The following C5 variants were observed in gnomAD, a reference collection of about 807,000 sequenced individuals.
C5 encodes complement C5.
C5 carries 140 observed loss-of-function variants against 218.8 expected under a neutral mutation model. The ratio of observed to expected loss-of-function variants is 0.64; its 90% CI spans 0.56 to 0.74. The LOEUF is 0.74. Ranked by LOEUF, C5 falls within the 30% of genes least tolerant of loss-of-function variation. C5 has a pLI of 0.00. For missense variants in C5, 1,700 were observed against 1,969.6 expected (o/e 0.86, Z 2.59); for synonymous variants, 614 against 682.3 (o/e 0.90, Z 1.56).
chr9:121,019,440 C>T lies in C5; in HGVS notation c.1506+536G>A, dbSNP rs373909319. On this transcript the variant is annotated intron_variant, in intron 12 of 40. Coordinates refer to ENST00000223642, the MANE Select transcript of C5 (RefSeq NM_001735.3). ...TCTTGGTTTCACCAACAGGCTTCAT[C>T]GATCCACCTCTGTTTAATATAAATG... Among the ~76,000 whole-genome samples the T allele has an allele frequency of 1.1e-4, 17 of 152,286 alleles. No individual in the cohort carries two copies. The East Asian group carries it at 1.9e-3, about 17-fold the overall frequency.
Position 121,009,861 on chromosome 9 carries a change from C to A in C5, c.2258-1363G>T, listed in dbSNP as rs570606068. Among the ~76,000 whole-genome samples the A allele has an allele frequency of 7.2e-5, 11 of 152,320 alleles. No individual in the cohort carries two copies. In the East Asian group the frequency reaches 9.6e-4, roughly 13 times the overall value. ...TGTGTTGGGAGAGGGAGAGTGCAGT[C>A]ATTCTGTGGCTTTGCATTGAACTCA... On this transcript the variant is annotated intron_variant, in intron 17 of 40. Coordinates refer to ENST00000223642, the MANE Select transcript of C5 (RefSeq NM_001735.3).
intron 17 of C5, among the ~76,000 whole-genome samples, chr9:121,011,820 G>A (rs966928535): frequency 2.0e-5 from 3 of 152,170 alleles, no homozygotes; most frequent in Non-Finnish European, 4.4e-5. Flanking sequence ...CCTGTCATTT[G>A]CAACAATATG....
chr9:121,023,301 T>C (rs891961912), intron 10 of C5, 103 bp downstream of exon 10: 7 of 810,408 alleles, frequency 8.6e-6, no homozygotes, highest in African/African-American at 8.4e-5. Flanking sequence ...GCTCCCTCTG[T>C]GACTTCATGG....
intron 33 of C5, 56 bp downstream of exon 33, chr9:120,969,005 C>G: frequency 1.4e-6 from 2 of 1,424,722 alleles, no homozygotes; most frequent in Admixed American, 1.7e-5. Context: ...AGAAACAATA[C>G]GTTAACAAAA....
At chr9:121,038,136 A>G (rs917422016) in intron 3 of C5, among the ~76,000 whole-genome samples, 185 bp from the exon 4 acceptor site, 9 of 152,354 alleles carry the variant, frequency 5.9e-5, no homozygotes, top group Middle Eastern at 3.4e-3. Flanking sequence ...CTTATTTAAG[A>G]GAATCCTCAG....
intron 33 of C5, among the ~76,000 whole-genome samples, chr9:120,967,782 C>T (rs1454426710): frequency 2.0e-5 from 3 of 151,818 alleles, no homozygotes; most frequent in African/African-American, 2.4e-5. Flanking sequence ...AGTGCAGTGG[C>T]GTGGTCACAG....
chr9:121,047,453 T>C (rs2047637191), intron 1 of C5, among the ~76,000 whole-genome samples: 1 of 152,194 alleles, frequency 6.6e-6, no homozygotes, highest in African/African-American at 2.4e-5. Context: ...TAAGTGTATA[T>C]CACAAGAGTA....
intron 17 of C5, among the ~76,000 whole-genome samples, chr9:121,012,297 T>C (rs1285939138): frequency 4.0e-5 from 6 of 151,858 alleles, no homozygotes; most frequent in African/African-American, 1.5e-4. Context: ...AAATCCTCCC[T>C]CCAAAAAGAA....
In C5 at chr9:120,952,650, A is replaced by T; in HGVS notation, c.*89T>A. ...AGCTTTACAAATAAGACCAGCTATG[A>T]ATGTTTAAAAAAAGAAGAAAACAAA... On this transcript the variant is annotated 3_prime_UTR_variant, in exon 41 of 41. Coordinates refer to ENST00000223642, the MANE Select transcript of C5 (RefSeq NM_001735.3). 1.5e-6 allele frequency: 2 copies of T among 1,319,042 alleles called. No individual in the cohort carries two copies. The highest frequency in any genetic ancestry group is 2.2e-6 in the Non-Finnish European group (2 of 926,058). 81.7% of individuals were successfully genotyped at this position (1,319,042 alleles called of 1,614,324 possible).
rs1392220420 is a variant in C5 at position 121,008,563 on chromosome 9, A to T, written c.2258-65T>A. The T allele has an allele frequency of 4.4e-6, 5 of 1,128,596 alleles. No individual in the cohort carries two copies. The East Asian group carries it at 1.2e-4, about 27-fold the overall frequency. 69.9% of individuals were successfully genotyped at this position (1,128,596 alleles called of 1,614,324 possible). The stretch of plus-strand genomic sequence containing the variant: ...TAAATTCTACTTATAGGTGAATTTT[A>T]AAATATGGCCATTAATCTGTAACTT... On this transcript the variant is annotated intron_variant, in intron 17 of 40. Transcript: ENST00000223642.
At chr9:121,057,814 A>G in the C5 span, among the ~76,000 whole-genome samples, 1 of 152,168 alleles carries the variant, frequency 6.6e-6, no homozygotes. Context: ...ATGGACTAGA[A>G]TCCTTTTTAG....
chr9:121,020,249 A>G (rs962722993), intron 11 of C5, 70 bp from the exon 12 acceptor site: 2 of 1,159,032 alleles, frequency 1.7e-6, no homozygotes, highest in Admixed American at 3.5e-5. Flanking sequence ...TACCTTTCAA[A>G]TTATTTTCCT....
chr9:121,015,246 T>A lies in C5; in HGVS notation c.2012A>T (p.Glu671Val). 1 of 1,605,424 alleles carries A rather than the reference T, an allele frequency of 6.2e-7. No individual in the cohort carries two copies. Among genetic ancestry groups the A allele is most frequent in the Non-Finnish European group, 8.5e-7 (1 of 1,173,616 alleles). Residue 671 changes from glutamate (E) to valine (V), a missense_variant, in exon 16 of 41, where the codon GAA becomes GTA. Coordinates refer to ENST00000223642, the MANE Select transcript of C5 (RefSeq NM_001735.3). The part of the protein sequence containing the change: ...DSQENDEPCK[E>V]ILRPRRTLQK... Reference sequence around the variant, plus strand: ...CAGCGTTCTTCTTGGCCTGAGAATTTCTTTACAAGGTTCATCTGGTTTTTT... The same window carrying A: ...CAGCGTTCTTCTTGGCCTGAGAATTACTTTACAAGGTTCATCTGGTTTTTT...
At chr9:121,025,814 C>A in intron 8 of C5, 1 of 419,020 alleles carries the variant, frequency 2.4e-6, no homozygotes. Context: ...TCCAACAGGT[C>A]TTTTTGGTAA....
At chr9:121,022,998 CAT>C (rs146349428) in intron 10 of C5, among the ~76,000 whole-genome samples, 11,923 of 152,116 alleles carry the variant, frequency 0.078, 529 homozygotes, top group Non-Finnish European at 0.11. Flanking sequence ...GAGGCAAAAA[CAT>C]AGTGAGAGAA....
intron 5 of C5, among the ~76,000 whole-genome samples, 182 bp from the exon 6 acceptor site, chr9:121,032,377 T>C (rs141723836): frequency 2.5e-4 from 38 of 152,326 alleles, no homozygotes; most frequent in African/African-American, 8.7e-4. Context: ...TTTAGGATAA[T>C]AGATAATAGA....
At chr9:120,962,140 A>G (rs956516480) in intron 36 of C5, among the ~76,000 whole-genome samples, 3 of 152,210 alleles carry the variant, frequency 2.0e-5, no homozygotes, top group South Asian at 4.1e-4. Flanking sequence ...GGGATCACCC[A>G]TTCATAAATA....
intron 28 of C5, among the ~76,000 whole-genome samples, chr9:120,977,554 C>T (rs2046962574): frequency 6.6e-6 from 1 of 152,072 alleles, no homozygotes; most frequent in South Asian, 2.1e-4. Flanking sequence ...CTCTTGGGCT[C>T]AGTGATTCTC....
chr9:121,019,125 T>C (rs1052573880), intron 12 of C5, among the ~76,000 whole-genome samples: 1 of 150,940 alleles, frequency 6.6e-6, no homozygotes, highest in Non-Finnish European at 1.5e-5. Context: ...AGATTCTAAA[T>C]TGAAGGTTTA....
Sources: allele counts gnomAD v4.1 joint callset (sites outside exome capture counted in the v4.1 genomes callset), GRCh38; gene constraint gnomAD v4.1.1; transcripts MANE v1.5; gene names NCBI Gene and HGNC (gene_info 2026-07-23, HGNC 2026-07-21).